The following FAM120A variants were observed in gnomAD, a reference collection of about 807,000 sequenced individuals.
FAM120A encodes family with sequence similarity 120 member A.
A neutral mutation model predicts 109.7 loss-of-function variants in FAM120A; 15 were observed. That is an observed-to-expected ratio of 0.14 (90% CI 0.09 to 0.21). The LOEUF is 0.21. Among genes scored for constraint, FAM120A ranks in the 10% least tolerant of loss-of-function variants. FAM120A has a pLI of 1.00. For synonymous variants in FAM120A, 493 were observed against 572.8 expected (o/e 0.86, Z 1.99); for missense variants, 899 against 1,439.3 (o/e 0.62, Z 6.07).
At chr9:93,552,195 ACTTTT>A (rs1862125304) in intron 12 of FAM120A, among the ~76,000 whole-genome samples, 1 of 152,208 alleles carries the variant, frequency 6.6e-6, no homozygotes, top group Non-Finnish European at 1.5e-5. Context: ...CCATCAAGTT[ACTTTT>A]ACTCAAAGTT....
intron 3 of FAM120A, among the ~76,000 whole-genome samples, chr9:93,483,616 T>C (rs1036753339): frequency 2.0e-5 from 3 of 152,196 alleles, no homozygotes; most frequent in Non-Finnish European, 4.4e-5. Context: ...AAGGTACTTA[T>C]AATCCCACTT....
chr9:93,458,330 A>G (rs1258355755), intron 1 of FAM120A, among the ~76,000 whole-genome samples: 5 of 151,702 alleles, frequency 3.3e-5, no homozygotes, highest in Non-Finnish European at 5.9e-5. Context: ...GCCTTCCGCC[A>G]TTTCTCTTTT....
At chr9:93,535,692 A>G (rs1402425705) in intron 10 of FAM120A, among the ~76,000 whole-genome samples, 1 of 152,206 alleles carries the variant, frequency 6.6e-6, no homozygotes, top group African/African-American at 2.4e-5. Context: ...AGAGGGGGAA[A>G]CAAGCCTATA....
At chr9:93,508,251 C>G (rs889898936) in intron 5 of FAM120A, among the ~76,000 whole-genome samples, 12 of 152,186 alleles carry the variant, frequency 7.9e-5, no homozygotes, top group Non-Finnish European at 1.6e-4. Flanking sequence ...AGGTGCTAAT[C>G]AGTACTAAGC....
intron 1 of FAM120A, among the ~76,000 whole-genome samples, chr9:93,456,619 C>T (rs1366659390): frequency 1.3e-5 from 2 of 152,126 alleles, no homozygotes; most frequent in African/African-American, 4.8e-5. Flanking sequence ...GCTTTGTTAC[C>T]CCATTTTTCA....
chr9:93,451,930 C>T lies in FAM120A; in HGVS notation c.15C>T (p.Gly5=), dbSNP rs1857246027. The T allele has an allele frequency of 4.0e-6, 6 of 1,496,188 alleles. 1 individual carries two copies. The South Asian group carries it at 7.7e-5, about 19-fold the overall frequency. 92.7% of individuals were successfully genotyped at this position (1,496,188 alleles called of 1,614,324 possible). Reference sequence around the variant, plus strand: ...CCGCCGCCGCCATGGGCGTGCAGGGCTTCCAGGACTACATCGAGAAGCACT... The same window carrying T: ...CCGCCGCCGCCATGGGCGTGCAGGGTTTCCAGGACTACATCGAGAAGCACT... MGVQ[G]FQDYIEKHCP... The change falls in exon 1 of 18, where the codon GGC becomes GGT. Residue 5 remains glycine (G), a synonymous_variant. Coordinates refer to ENST00000277165, the MANE Select transcript of FAM120A (RefSeq NM_014612.5).
intron 1 of FAM120A, among the ~76,000 whole-genome samples, chr9:93,467,048 G>T (rs1171791284): frequency 2.0e-5 from 3 of 152,040 alleles, no homozygotes; most frequent in African/African-American, 4.8e-5. Context: ...TTGTCAGTCT[G>T]CATTCTATCC....
intron 5 of FAM120A, among the ~76,000 whole-genome samples, chr9:93,514,702 A>G (rs779696689): frequency 1.3e-5 from 2 of 152,172 alleles, no homozygotes; most frequent in Non-Finnish European, 2.9e-5. Context: ...TGCTTCCTGC[A>G]TATCATTTGG....
intron 1 of FAM120A, among the ~76,000 whole-genome samples, chr9:93,462,760 A>C (rs751053225): frequency 6.6e-6 from 1 of 152,150 alleles, no homozygotes; most frequent in Non-Finnish European, 1.5e-5. Context: ...TGTCTACCCT[A>C]TGAGCCTCAT....
chr9:93,489,836 G>T (rs1288968572), intron 3 of FAM120A, among the ~76,000 whole-genome samples: 2 of 152,170 alleles, frequency 1.3e-5, no homozygotes, highest in Admixed American at 6.5e-5. Context: ...GGCCTGCAGG[G>T]TGCATTTGGT....
intron 10 of FAM120A, among the ~76,000 whole-genome samples, chr9:93,536,096 T>C (rs764269433): frequency 6.6e-6 from 1 of 152,214 alleles, no homozygotes; most frequent in African/African-American, 2.4e-5. Context: ...GAAGCTGACA[T>C]TGAAAAGTTT....
In FAM120A at chr9:93,493,910, A is replaced by G. The variant is rs184796273; in HGVS notation, c.805-3561A>G. On this transcript the variant is annotated intron_variant, in intron 3 of 17. Coordinates refer to ENST00000277165, the MANE Select transcript of FAM120A (RefSeq NM_014612.5). ...CGCTCTCTCAGTGGGCCTGGCAGCC[A>G]TCCAGCCTTCCTGGGCCCTTTTCTT... is the stretch of plus-strand genomic sequence containing the variant. Among the ~76,000 whole-genome samples the G allele has an allele frequency of 2.4e-3, 366 of 152,372 alleles. 1 individual carries two copies. The highest frequency in any genetic ancestry group is 8.2e-3 in the African/African-American group (339 of 41,592).
At chr9:93,494,528 C>G (rs532780359) in intron 3 of FAM120A, among the ~76,000 whole-genome samples, 3 of 152,186 alleles carry the variant, frequency 2.0e-5, no homozygotes, top group Non-Finnish European at 4.4e-5. Flanking sequence ...ACTGTCTTTG[C>G]CTGCTCCGGC....
At position 93,532,213 on chromosome 9, in the gene FAM120A, C is replaced by T; in HGVS notation, c.1793C>T (p.Ala598Val). Reference protein sequence around the residue: ...EDEANKDLPPAALLYRPVRQY... With the variant: ...EDEANKDLPPVALLYRPVRQY... Reference sequence around the variant, plus strand: ...GAAGCCAACAAGGACCTGCCTCCGGCCGCTCTGCTCTATAGGCCAGTTCGT... The same window carrying T: ...GAAGCCAACAAGGACCTGCCTCCGGTCGCTCTGCTCTATAGGCCAGTTCGT... Residue 598 changes from alanine (A) to valine (V), a missense_variant, in exon 10 of 18, where the codon GCC becomes GTC. Ala to Val is a moderately conservative substitution (Grantham distance 64). This residue lies in a region of FAM120A where 133 missense variants were observed against 276.6 expected (regional missense o/e 0.48). Transcript: ENST00000277165. This position sits in a 1 kb window ranked among gnomAD's most constrained non-coding sequence, Gnocchi z 4.3. 6.2e-7 allele frequency: 1 copy of T among 1,614,234 alleles called. No individual in the cohort carries two copies. Among genetic ancestry groups the T allele is most frequent in the African/African-American group, 1.3e-5 (1 of 75,064 alleles).
At chr9:93,554,263 G>C (rs1254599952) in intron 12 of FAM120A, among the ~76,000 whole-genome samples, 4 of 151,694 alleles carry the variant, frequency 2.6e-5, no homozygotes, top group East Asian at 3.9e-4. Flanking sequence ...TACATCTGCT[G>C]CTGTTTCTTC....
intron 11 of FAM120A, among the ~76,000 whole-genome samples, chr9:93,547,726 G>A (rs145166333): frequency 2.7e-4 from 41 of 152,278 alleles, no homozygotes; most frequent in African/African-American, 7.7e-4. Context: ...ATTTAGTAGC[G>A]TAAAAGGGAT....
chr9:93,524,574 C>A (rs974025603), intron 7 of FAM120A, among the ~76,000 whole-genome samples: 1 of 152,178 alleles, frequency 6.6e-6, no homozygotes, highest in Admixed American at 6.5e-5. Flanking sequence ...AGCTGACTTG[C>A]CAGAGTCACC....
At position 93,472,983 on chromosome 9, in the gene FAM120A, A is replaced by G. The variant is rs1292535265; in HGVS notation, c.721+1596A>G. Among the ~76,000 whole-genome samples the G allele has an allele frequency of 3.3e-5, 5 of 152,172 alleles. No homozygotes were observed. In the East Asian group the frequency reaches 7.8e-4, roughly 24 times the overall value. On this transcript the variant is annotated intron_variant, in intron 2 of 17. Coordinates refer to ENST00000277165, the MANE Select transcript of FAM120A (RefSeq NM_014612.5). ...TGCCAGCCCATGGGCTGCAGAGGCT[A>G]TGCTTTTCAAGTTTTCATCGTTAAG... is the stretch of plus-strand genomic sequence containing the variant.
intron 5 of FAM120A, among the ~76,000 whole-genome samples, chr9:93,512,297 A>G (rs1474651253): frequency 1.3e-5 from 2 of 152,172 alleles, no homozygotes; most frequent in Non-Finnish European, 2.9e-5. Flanking sequence ...ACCGTATTTT[A>G]ATTCAGAGCA....
Sources: gnomAD v4.1 joint callset for allele counts (sites outside exome capture counted in the v4.1 genomes callset) on GRCh38, gnomAD v4.1.1 for gene constraint, gnomAD v4.1.1 regional missense constraint, Gnocchi (gnomAD v3.1) non-coding constraint, MANE v1.5 for transcripts, NCBI Gene and HGNC (gene_info 2026-07-23, HGNC 2026-07-21) for gene names.